LAMP3: variants seen among roughly 807,000 people sequenced by gnomAD.
LAMP3 encodes the protein lysosome associated membrane protein 3.
In LAMP3, 26 loss-of-function variants were observed where a neutral mutation model predicts 34.8. The observed-to-expected ratio is 0.75, with a 90% CI of 0.55 to 1.04. The LOEUF is 1.04. Ranked by LOEUF, LAMP3 falls within the 50% of genes least tolerant of loss-of-function variation. The pLI, the probability that LAMP3 is intolerant of heterozygous loss-of-function variation, is 0.00. For missense variants in LAMP3, 495 were observed against 524.0 expected, an observed-to-expected ratio of 0.94 and a Z score of 0.54; for synonymous variants, 180 against 201.9, an observed-to-expected ratio of 0.89 and a Z score of 0.92.
chr3:183,138,887 C>A (rs931717332), intron 4 of LAMP3, among the ~76,000 whole-genome samples: 2 of 152,124 alleles, frequency 1.3e-5, no homozygotes, highest in Non-Finnish European at 2.9e-5. Flanking sequence ...ACACATTAGC[C>A]AGCTCACCCC....
At chr3:183,160,114 T>C (rs1720934437) in intron 1 of LAMP3, among the ~76,000 whole-genome samples, 1 of 152,238 alleles carries the variant, frequency 6.6e-6, no homozygotes, top group African/African-American at 2.4e-5. Context: ...CTATCTTGTT[T>C]AATCTACTGT....
In LAMP3 at chr3:183,122,932, T is replaced by C. The variant is rs1214258733; in HGVS notation, c.*1149A>G. 1 of 152,186 alleles carries C rather than the reference T, an allele frequency of 6.6e-6. No individual in the cohort carries two copies. Among genetic ancestry groups the C allele is most frequent in the African/African-American group, 2.4e-5 (1 of 41,444 alleles). The allele number at this position is 152,186 out of a possible 1,614,324, so 9.4% of individuals were successfully genotyped here. On this transcript the variant is annotated 3_prime_UTR_variant, in exon 6 of 6. Coordinates refer to ENST00000265598, the MANE Select transcript of LAMP3 (RefSeq NM_014398.4). ...ATGTCAGACCAACATGAATTCAAGC[T>C]CTGGCTCTGCCATCAGTTAGCCAGG...
chr3:183,147,112 A>G (rs1223833898), intron 3 of LAMP3, among the ~76,000 whole-genome samples: 2 of 152,008 alleles, frequency 1.3e-5, no homozygotes, highest in African/African-American at 4.8e-5. Flanking sequence ...GCGTGGTGGC[A>G]TGCACCTGTA....
At chr3:183,135,672 G>A (rs1720061060) in intron 5 of LAMP3, 45 bp downstream of exon 5, 2 of 1,558,886 alleles carry the variant, frequency 1.3e-6, no homozygotes, top group Non-Finnish European at 8.8e-7. Flanking sequence ...TCTACCCTGG[G>A]GTCTCTAAAG....
In LAMP3 at chr3:183,123,380, G is replaced by A. The variant is rs900798046; in HGVS notation, c.*701C>T. 1.3e-5 allele frequency: 2 copies of A among 152,242 alleles called. No homozygotes were observed. Among genetic ancestry groups the A allele is most frequent in the African/African-American group, 2.4e-5 (1 of 41,408 alleles). The allele number at this position is 152,242 out of a possible 1,614,324, so 9.4% of individuals were successfully genotyped here. ...TCAAGACCAGTCTGGCCAACATGGT[G>A]AAACCCCGTCTATAATAAAAATACA... On this transcript the variant is annotated 3_prime_UTR_variant, in exon 6 of 6. Transcript: ENST00000265598.
intron 3 of LAMP3, 23 bp from the exon 4 acceptor site, chr3:183,140,618 C>A (rs369760907): frequency 6.8e-7 from 1 of 1,481,198 alleles, no homozygotes; most frequent in East Asian, 2.3e-5. Context: ...AGGGTGTTAA[C>A]CTTTGGGTTA....
Position 183,154,164 on chromosome 3 carries a change from T to G in LAMP3, c.277A>C (p.Asn93His), listed in dbSNP as rs1720753085. 6.2e-7 allele frequency: 1 copy of G among 1,613,868 alleles called. No individual in the cohort carries two copies. Among genetic ancestry groups the G allele is most frequent in the Admixed American group, 1.7e-5 (1 of 60,006 alleles). The change falls in exon 2 of 6, where the codon AAC becomes CAC. Residue 93 changes from asparagine (N) to histidine (H), a missense_variant. By Grantham distance (68) the Asn-to-His change is moderately conservative. Coordinates refer to ENST00000265598, the MANE Select transcript of LAMP3 (RefSeq NM_014398.4). The part of the protein sequence containing the change: ...IPTTTPATTK[N>H]TATTSPITYT... ...GTAATTGGGCTGGTGGTTGCAGTGT[T>G]TTTTGTAGTCGCTGGGGTAGTTGTT... is the stretch of plus-strand genomic sequence containing the variant.
At chr3:183,128,893 G>A (rs1483500230) in intron 5 of LAMP3, among the ~76,000 whole-genome samples, 3 of 151,984 alleles carry the variant, frequency 2.0e-5, no homozygotes, top group South Asian at 2.1e-4. Flanking sequence ...TTTATATTGC[G>A]ACTCATTTCC....
In LAMP3 at chr3:183,161,535, C is replaced by T. The variant is rs149688354; in HGVS notation, c.49+1072G>A. 3.8e-3 allele frequency among the ~76,000 whole-genome samples: 581 copies of T among 152,120 alleles called. 5 individuals are homozygous for T. Among genetic ancestry groups the T allele is most frequent in the African/African-American group, 0.013 (552 of 41,474 alleles). ...TCTCCCGAGTACCTGGGATTACAGG[C>T]GCCCACAACCATGCCCGGCTAATTT... is the stretch of plus-strand genomic sequence containing the variant. On this transcript the variant is annotated intron_variant, in intron 1 of 5. Coordinates refer to ENST00000265598, the MANE Select transcript of LAMP3 (RefSeq NM_014398.4).
chr3:183,138,178 C>T (rs561296722), intron 4 of LAMP3, among the ~76,000 whole-genome samples: 2 of 152,262 alleles, frequency 1.3e-5, no homozygotes, highest in East Asian at 3.9e-4. Context: ...TGGTCCATAT[C>T]TAGTGATAAC....
intron 5 of LAMP3, chr3:183,132,154 A>C (rs149447179): frequency 7.1e-6 from 7 of 985,410 alleles, no homozygotes; most frequent in Non-Finnish European, 8.4e-6. Context: ...GAAGCAACTG[A>C]AGGGCTAACA....
chr3:183,142,366 G>A (rs1039480669), intron 3 of LAMP3, among the ~76,000 whole-genome samples: 8 of 152,056 alleles, frequency 5.3e-5, no homozygotes, highest in African/African-American at 1.9e-4. Flanking sequence ...GATGAGGTCA[G>A]CAAAGACTCC....
In LAMP3 at chr3:183,124,018, CCATCCTGGAAGGGATGAAAGAGTTCTCT is replaced by C; in HGVS notation, c.*35_*62del. On this transcript the variant is annotated 3_prime_UTR_variant, in exon 6 of 6. Transcript: ENST00000265598. Reference sequence around the variant, plus strand: ...ACACTCTGAGGGAATTTCCCAACATCCATCCTGGAAGGGATGAAAGAGTTCTCTAAATTCCATTATTTTCATTCCCCCC... The same window carrying C: ...ACACTCTGAGGGAATTTCCCAACATCAAATTCCATTATTTTCATTCCCCCC... 1 of 1,576,350 alleles carries C rather than the reference CCATCCTGGAAGGGATGAAAGAGTTCTCT, an allele frequency of 6.3e-7. No individual in the cohort carries two copies. Among genetic ancestry groups the C allele is most frequent in the Non-Finnish European group, 8.7e-7 (1 of 1,147,586 alleles).
intron 3 of LAMP3, among the ~76,000 whole-genome samples, chr3:183,146,222 T>C (rs1036389284): frequency 1.3e-5 from 2 of 152,164 alleles, no homozygotes; most frequent in Non-Finnish European, 2.9e-5. Context: ...ATCTTGGAGA[T>C]AGAGGCCAGA....
At chr3:183,139,396 A>G (rs1720202036) in intron 4 of LAMP3, among the ~76,000 whole-genome samples, 1 of 151,954 alleles carries the variant, frequency 6.6e-6, no homozygotes, top group South Asian at 2.1e-4. Context: ...TCAAAAAAAA[A>G]AAAAAAAAAG....
intron 4 of LAMP3, among the ~76,000 whole-genome samples, chr3:183,139,914 T>G (rs1720220704): frequency 6.6e-6 from 1 of 152,228 alleles, no homozygotes; most frequent in Non-Finnish European, 1.5e-5. Context: ...GAATGTATGA[T>G]TCCCAGAGTA....
chr3:183,140,666 T>A, intron 3 of LAMP3, 71 bp from the exon 4 acceptor site: 1 of 1,022,534 alleles, frequency 9.8e-7, no homozygotes, highest in Non-Finnish European at 1.5e-6. Flanking sequence ...TTTATAAACT[T>A]TGTTTAAGAT....
At chr3:183,162,575 G>C (rs1329361624) in intron 1 of LAMP3, 32 bp downstream of exon 1, 1 of 1,546,298 alleles carries the variant, frequency 6.5e-7, no homozygotes, top group Admixed American at 2.0e-5. Context: ...GACACGTCAG[G>C]GCCACCGCGG....
chr3:183,131,592 T>A (rs748056905), intron 5 of LAMP3, among the ~76,000 whole-genome samples: 23 of 152,206 alleles, frequency 1.5e-4, no homozygotes, highest in South Asian at 4.1e-4. Flanking sequence ...AGTGCTCTTT[T>A]GAAGCTGCGG....
Sources: gnomAD v4.1 joint callset for allele counts (sites outside exome capture counted in the v4.1 genomes callset) on GRCh38, gnomAD v4.1.1 for gene constraint, MANE v1.5 for transcripts, NCBI Gene and HGNC (gene_info 2026-07-23, HGNC 2026-07-21) for gene names.